Variants in NRG1 observed in about 807,000 individuals in gnomAD.
NRG1 encodes pro-neuregulin-1, membrane-bound isoform.
Under a neutral mutation model 63.8 loss-of-function variants are expected in NRG1, and 18 were observed. The ratio of observed to expected loss-of-function variants is 0.28; its 90% CI spans 0.19 to 0.42. The LOEUF (loss-of-function observed/expected upper bound fraction) is 0.42. NRG1 is among the 10% of genes least tolerant of loss of function. NRG1 has a pLI of 1.00. For missense variants in NRG1, 762 were observed against 814.7 expected (o/e 0.94, Z 0.79); for synonymous variants, 302 against 301.3 (o/e 1.00, Z -0.02).
chr8:32,588,850 C>T (rs920078406), intron 1 of NRG1, among the ~76,000 whole-genome samples: 1 of 152,154 alleles, frequency 6.6e-6, no homozygotes, highest in Non-Finnish European at 1.5e-5. Context: ...AATGAAGGTG[C>T]CATCCTCCTT....
chr8:31,908,970 T>C (rs1394439883), intron 1 of NRG1, among the ~76,000 whole-genome samples: 4 of 152,156 alleles, frequency 2.6e-5, no homozygotes, highest in African/African-American at 7.2e-5. Context: ...ATAAGGTTGA[T>C]CTTCATCTCA....
At chr8:32,642,828 AG>A (rs1401523707) in intron 5 of NRG1, among the ~76,000 whole-genome samples, 1 of 140,446 alleles carries the variant, frequency 7.1e-6, no homozygotes, top group Non-Finnish European at 1.5e-5. Context: ...GCCAAGATAC[AG>A]GAAAAAAGTC....
At chr8:32,496,415 T>C (rs2129495636) in intron 1 of NRG1, among the ~76,000 whole-genome samples, 1 of 152,194 alleles carries the variant, frequency 6.6e-6, no homozygotes, top group African/African-American at 2.4e-5. Context: ...GACCCCCATT[T>C]CTAAAAAATA....
Position 32,231,441 on chromosome 8 carries a change from G to A in NRG1, c.38-364387G>A, listed in dbSNP as rs1846929008. On this transcript the variant is annotated intron_variant, in intron 1 of 10. Transcript: ENST00000519301. ...TATTCCGCTTTGTAAGGAAAAATAG[G>A]TTTTGCATATTTATATAAAAAGGGA... Among the ~76,000 whole-genome samples, 4 of 152,146 alleles carry A rather than the reference G, an allele frequency of 2.6e-5. No individual in the cohort carries two copies. The South Asian group carries it at 8.3e-4, about 32-fold the overall frequency.
intron 5 of NRG1, among the ~76,000 whole-genome samples, chr8:32,639,577 T>A (rs1345473487): frequency 6.6e-6 from 1 of 152,226 alleles, no homozygotes; most frequent in Non-Finnish European, 1.5e-5. Flanking sequence ...GGTACTCTCT[T>A]ATGAGTAATT....
rs1417272844 is a variant in NRG1 at position 32,486,653 on chromosome 8, C to G, written c.38-109175C>G. 8.3e-5 allele frequency among the ~76,000 whole-genome samples: 11 copies of G among 132,690 alleles called. 1 individual carries two copies. The East Asian group carries it at 2.1e-3, about 25-fold the overall frequency. 87.0% of individuals were successfully genotyped at this position (132,690 alleles called of 152,430 possible). A position where few individuals can be genotyped will look rare whatever the true frequency, so the allele number is the denominator to read the frequency against. Reference sequence around the variant, plus strand: ...TTTTTTTTTTTTTTTGGAATGGAGTCTTGCTCTGCCACCCAGGCTGGAGTG... The same window carrying G: ...TTTTTTTTTTTTTTTGGAATGGAGTGTTGCTCTGCCACCCAGGCTGGAGTG... On this transcript the variant is annotated intron_variant, in intron 1 of 10. Transcript: ENST00000519301.
intron 1 of NRG1, among the ~76,000 whole-genome samples, chr8:32,341,676 G>A (rs546309827): frequency 6.6e-6 from 1 of 152,254 alleles, no homozygotes; most frequent in South Asian, 2.1e-4. Context: ...CCGTTCTCAG[G>A]CAGTGATAGG....
At chr8:32,351,682 A>G (rs1805627003) in intron 1 of NRG1, among the ~76,000 whole-genome samples, 1 of 152,110 alleles carries the variant, frequency 6.6e-6, no homozygotes, top group African/African-American at 2.4e-5. Context: ...CCCATAACTC[A>G]TATGTACCAG....
intron 1 of NRG1, among the ~76,000 whole-genome samples, chr8:32,062,863 C>A (rs899131354): frequency 6.6e-6 from 1 of 151,868 alleles, no homozygotes; most frequent in Admixed American, 6.6e-5. Flanking sequence ...CTTTTGGTAA[C>A]CCACAGGGGT....
At chr8:31,848,447 G>T (rs1245926287) in intron 1 of NRG1, among the ~76,000 whole-genome samples, 1 of 152,054 alleles carries the variant, frequency 6.6e-6, no homozygotes, top group African/African-American at 2.4e-5. Context: ...GTGTGAATTG[G>T]GCAATGCTGT....
chr8:31,799,977 G>A (rs1252860907), intron 1 of NRG1, among the ~76,000 whole-genome samples: 3 of 152,138 alleles, frequency 2.0e-5, no homozygotes, highest in South Asian at 4.1e-4. Context: ...TATCCACAGC[G>A]ATTTGAAGCC....
chr8:32,540,627 C>A (rs1027858885), intron 1 of NRG1, among the ~76,000 whole-genome samples: 2 of 152,150 alleles, frequency 1.3e-5, no homozygotes, highest in African/African-American at 4.8e-5. Context: ...AGTACACACT[C>A]TGGGACAAAC....
chr8:31,884,865 G>T (rs1051647333), intron 1 of NRG1, among the ~76,000 whole-genome samples: 3 of 152,024 alleles, frequency 2.0e-5, no homozygotes, highest in African/African-American at 7.2e-5. Flanking sequence ...TAGAACTGAA[G>T]ATACAGCAAG....
intron 5 of NRG1, chr8:32,648,396 G>C: frequency 1.2e-6 from 2 of 1,607,620 alleles, no homozygotes; most frequent in East Asian, 2.2e-5. Context: ...TAAGTAGAGA[G>C]AGAGAGAGAG....
chr8:32,272,205 G>A (rs991965277), intron 1 of NRG1, among the ~76,000 whole-genome samples: 4 of 152,168 alleles, frequency 2.6e-5, no homozygotes, highest in African/African-American at 9.7e-5. Flanking sequence ...CAGCCTGCAT[G>A]GCGAGGGTTC....
At chr8:32,573,895 A>G (rs906506690) in intron 1 of NRG1, among the ~76,000 whole-genome samples, 4 of 152,036 alleles carry the variant, frequency 2.6e-5, no homozygotes, top group African/African-American at 9.7e-5. Flanking sequence ...GAGTGAGAAC[A>G]TGCAGTGTTT....
At chr8:32,600,323 TGG>T (rs1844106181) in intron 2 of NRG1, among the ~76,000 whole-genome samples, 1 of 107,582 alleles carries the variant, frequency 9.3e-6, no homozygotes, top group African/African-American at 3.6e-5. Flanking sequence ...GAAGCAGTGT[TGG>T]ACACACACAC....
chr8:31,695,947 G>T (rs1045901811), intron 1 of NRG1, among the ~76,000 whole-genome samples: 1 of 152,082 alleles, frequency 6.6e-6, no homozygotes, highest in African/African-American at 2.4e-5. Context: ...TAATTGTTCT[G>T]CCCCCCTTAA....
chr8:31,814,879 C>G (rs1030944204), intron 1 of NRG1, among the ~76,000 whole-genome samples: 2 of 151,670 alleles, frequency 1.3e-5, no homozygotes, highest in Non-Finnish European at 2.9e-5. Flanking sequence ...ACAAATGGTG[C>G]CCCCCTGCAA....
Sources: allele counts gnomAD v4.1 joint callset (sites outside exome capture counted in the v4.1 genomes callset), GRCh38; gene constraint gnomAD v4.1.1; transcripts MANE v1.5; gene names NCBI Gene and HGNC (gene_info 2026-07-23, HGNC 2026-07-21).